The following GRIK1 variants were observed in gnomAD, a reference collection of about 807,000 sequenced individuals.
GRIK1 encodes glutamate ionotropic receptor kainate type subunit 1.
GRIK1 carries 69 observed loss-of-function variants against 105.7 expected under a neutral mutation model. The observed-to-expected ratio is 0.65, with a 90% CI of 0.54 to 0.80. The LOEUF (loss-of-function observed/expected upper bound fraction) is 0.80. Ranked by LOEUF, GRIK1 falls within the 30% of genes least tolerant of loss-of-function variation. The probability of loss-of-function intolerance (pLI) is 0.00; values close to 1 mark genes in which losing one functional copy is unlikely to be tolerated. For missense variants in GRIK1, 1,109 were observed against 1,167.3 expected (o/e 0.95, Z 0.73); for synonymous variants, 438 against 431.3 (o/e 1.02, Z -0.19).
intron 1 of GRIK1, among the ~76,000 whole-genome samples, chr21:29,812,858 C>T (rs1037231501): frequency 1.3e-5 from 2 of 152,162 alleles, no homozygotes; most frequent in African/African-American, 2.4e-5. Context: ...GGCAATATTT[C>T]GGTTGATGCA....
At chr21:29,887,036 C>T (rs1189289237) in intron 1 of GRIK1, among the ~76,000 whole-genome samples, 3 of 152,130 alleles carry the variant, frequency 2.0e-5, no homozygotes, top group Non-Finnish European at 4.4e-5. Flanking sequence ...TTACTTTATT[C>T]ACCATAGGCA....
chr21:29,592,592 C>T (rs992237177), intron 9 of GRIK1, among the ~76,000 whole-genome samples: 1 of 152,164 alleles, frequency 6.6e-6, no homozygotes, highest in Non-Finnish European at 1.5e-5. Flanking sequence ...GACCTTGTTG[C>T]TGTGTGTCCT....
intron 7 of GRIK1, among the ~76,000 whole-genome samples, chr21:29,632,143 C>T (rs1174194278): frequency 6.6e-6 from 1 of 152,126 alleles, no homozygotes; most frequent in Non-Finnish European, 1.5e-5. Context: ...TATTCAAGTT[C>T]CATGTTATCT....
chr21:29,602,240 C>T (rs1024461959), intron 7 of GRIK1, among the ~76,000 whole-genome samples: 1 of 152,076 alleles, frequency 6.6e-6, no homozygotes, highest in Non-Finnish European at 1.5e-5. Context: ...CATGAAGCAC[C>T]TATGATCTGG....
At chr21:29,775,399 G>C (rs924303374) in intron 1 of GRIK1, among the ~76,000 whole-genome samples, 1 of 151,710 alleles carries the variant, frequency 6.6e-6, no homozygotes, top group Admixed American at 6.6e-5. Flanking sequence ...TGTAGTACTA[G>C]AGTACAGAGA....
chr21:29,551,278 T>C (rs1270964789), intron 16 of GRIK1, among the ~76,000 whole-genome samples: 5 of 152,208 alleles, frequency 3.3e-5, no homozygotes, highest in African/African-American at 1.2e-4. Flanking sequence ...TTGAGAAACA[T>C]TTGCCAATTG....
In GRIK1 at chr21:29,642,821, CT is replaced by C; in HGVS notation, c.1098+4del. The C allele has an allele frequency of 6.2e-7, 1 of 1,613,928 alleles. No homozygotes were observed. The highest frequency in any genetic ancestry group is 8.5e-7 in the Non-Finnish European group (1 of 1,179,794). ...GCCCCTGGGCTGTGAGGGAGCATCA[CT>C]TGCCTCTTTGATCAGGTTCATAAAT... is the stretch of plus-strand genomic sequence containing the variant. On this transcript the variant is annotated splice_donor_region_variant and intron_variant, in intron 7 of 17. Coordinates refer to ENST00000327783, the MANE Select transcript of GRIK1 (RefSeq NM_001330994.2).
intron 15 of GRIK1, among the ~76,000 whole-genome samples, chr21:29,560,364 T>TCTTTCTTC: frequency 2.8e-5 from 1 of 35,930 alleles, no homozygotes; most frequent in African/African-American, 1.3e-4. Context: ...TCTTTTTCTT[T>TCTTTCTTC]CTTCCTTCCT....
At chr21:29,542,657 C>T (rs548792402) in intron 16 of GRIK1, among the ~76,000 whole-genome samples, 2 of 152,334 alleles carry the variant, frequency 1.3e-5, no homozygotes, top group South Asian at 4.1e-4. Flanking sequence ...ATTGATTTCT[C>T]ATTGTAGATT....
intron 1 of GRIK1, among the ~76,000 whole-genome samples, chr21:29,931,094 C>T (rs771735290): frequency 1.3e-5 from 2 of 152,122 alleles, no homozygotes; most frequent in East Asian, 1.9e-4. Flanking sequence ...GAAATTATTA[C>T]GTTAGTATGG....
intron 4 of GRIK1, among the ~76,000 whole-genome samples, chr21:29,660,785 A>G (rs528417636): frequency 1.3e-5 from 2 of 152,356 alleles, no homozygotes; most frequent in African/African-American, 4.8e-5. Flanking sequence ...ATTCTAAACC[A>G]CCAGACATGG....
chr21:29,895,896 T>A (rs2070132127), intron 1 of GRIK1, among the ~76,000 whole-genome samples: 1 of 152,316 alleles, frequency 6.6e-6, no homozygotes, highest in Admixed American at 6.5e-5. Context: ...TTCCACTGAC[T>A]TCTCATCATA....
chr21:29,844,199 TA>T lies in GRIK1; in HGVS notation c.118+95183del, dbSNP rs200911921. Among the ~76,000 whole-genome samples the T allele has an allele frequency of 7.5e-3, 1,127 of 149,818 alleles. 11 individuals are homozygous for T. The highest frequency in any genetic ancestry group is 0.026 in the African/African-American group (1,071 of 40,912). ...TATTTTATTTCCTATGAATATGATT[TA>T]AAAAAAAAACCTTTGCAGATATAGA... On this transcript the variant is annotated intron_variant, in intron 1 of 17. Transcript: ENST00000327783.
In GRIK1 at chr21:29,674,287, T is replaced by TTGTGTG. The variant is rs58544191; in HGVS notation, c.545-1129_545-1124dup. ...TTTTTTTTTTTACCAGAAGTTACAT[T>TTGTGTG]TGTGTGTGTGTGTGTGTGTGTGTGT... On this transcript the variant is annotated intron_variant, in intron 3 of 17. Transcript: ENST00000327783. Among the ~76,000 whole-genome samples the TTGTGTG allele has an allele frequency of 5.0e-3, 726 of 145,848 alleles. 4 individuals are homozygous for TTGTGTG. Among genetic ancestry groups the TTGTGTG allele is most frequent in the African/African-American group, 0.017 (684 of 39,790 alleles).
chr21:29,697,818 T>A (rs1043219939), intron 1 of GRIK1, among the ~76,000 whole-genome samples: 3 of 152,140 alleles, frequency 2.0e-5, no homozygotes, highest in African/African-American at 7.2e-5. Context: ...GGCCCTTGCA[T>A]AATTTCCTCC....
At chr21:29,868,261 A>G (rs969310281) in intron 1 of GRIK1, among the ~76,000 whole-genome samples, 13 of 152,214 alleles carry the variant, frequency 8.5e-5, no homozygotes, top group African/African-American at 2.4e-4. Context: ...TGCTGACCAC[A>G]CAGATGATGA....
intron 3 of GRIK1, among the ~76,000 whole-genome samples, chr21:29,688,282 C>T (rs2063521587): frequency 6.6e-6 from 1 of 152,174 alleles, no homozygotes. Flanking sequence ...ATATTTCCAA[C>T]CACACTCGTC....
intron 1 of GRIK1, among the ~76,000 whole-genome samples, chr21:29,907,051 T>C (rs1366463240): frequency 6.6e-6 from 1 of 151,398 alleles, no homozygotes; most frequent in African/African-American, 2.4e-5. Flanking sequence ...AGCAAATAAA[T>C]CTAAAGTTTC....
chr21:29,869,683 T>C (rs2068945757), intron 1 of GRIK1, among the ~76,000 whole-genome samples: 1 of 152,212 alleles, frequency 6.6e-6, no homozygotes, highest in Admixed American at 6.5e-5. Context: ...CCTGCCCATG[T>C]TAAAAGCAGA....
Sources: gnomAD v4.1 joint callset for allele counts (sites outside exome capture counted in the v4.1 genomes callset) on GRCh38, gnomAD v4.1.1 for gene constraint, MANE v1.5 for transcripts, NCBI Gene and HGNC (gene_info 2026-07-23, HGNC 2026-07-21) for gene names.